SOCS3: variants seen among roughly 807,000 people sequenced by gnomAD.
The protein encoded by SOCS3 is suppressor of cytokine signaling 3, also known as STAT-induced STAT inhibitor 3.
Under a neutral mutation model 11.7 loss-of-function variants are expected in SOCS3, and 5 were observed. That is an observed-to-expected ratio of 0.43 (90% CI 0.22 to 0.90). The LOEUF is 0.90. Ranked by LOEUF, SOCS3 falls within the 40% of genes least tolerant of loss-of-function variation. SOCS3 has a pLI of 0.27. For missense variants in SOCS3, 203 were observed against 302.0 expected (o/e 0.67, Z 2.43); for synonymous variants, 143 against 136.3 (o/e 1.05, Z -0.34).
In SOCS3 at chr17:78,358,032, A is replaced by C. The variant is rs1296483613; in HGVS notation, c.*386T>G. ...AGCTCAGGTTTAAACCAAATCAAAG[A>C]GCAAACAAGTTCCGTTGGAAAGTTT... On this transcript the variant is annotated 3_prime_UTR_variant, in exon 2 of 2. Transcript: ENST00000330871. This position sits in a 1 kb window ranked among gnomAD's most constrained non-coding sequence, Gnocchi z 4.7. The C allele has an allele frequency of 4.6e-6, 1 of 215,556 alleles. No individual in the cohort carries two copies. Among genetic ancestry groups the C allele is most frequent in the Non-Finnish European group, 9.5e-6 (1 of 105,592 alleles). 13.4% of individuals were successfully genotyped at this position (215,556 alleles called of 1,614,324 possible). A position where few individuals can be genotyped will look rare whatever the true frequency, so the allele number is the denominator to read the frequency against.
chr17:78,358,301 T>C lies in SOCS3; in HGVS notation c.*117A>G. 1.0e-6 allele frequency: 1 copy of C among 966,682 alleles called. No individual in the cohort carries two copies. Among genetic ancestry groups the C allele is most frequent in the South Asian group, 1.4e-5 (1 of 70,682 alleles). The allele number at this position is 966,682 out of a possible 1,614,324, so 59.9% of individuals were successfully genotyped here. A position where few individuals can be genotyped will look rare whatever the true frequency, so the allele number is the denominator to read the frequency against. On this transcript the variant is annotated 3_prime_UTR_variant, in exon 2 of 2. Transcript: ENST00000330871. The surrounding 1 kb of genome is among the most constrained non-coding windows in gnomAD (Gnocchi z 4.7). ...GAGGGAGGGGCCTGTCCGCCCTCTTTCCCCCCAGAGCTACAGGACTCTCTC... is the reference window on the plus strand; with the variant it reads ...GAGGGAGGGGCCTGTCCGCCCTCTTCCCCCCCAGAGCTACAGGACTCTCTC...
upstream of SOCS3, chr17:78,360,609 G>A (rs891069539): frequency 2.0e-5 from 3 of 152,268 alleles, no homozygotes; most frequent in Non-Finnish European, 2.9e-5. This position sits in a 1 kb window ranked among gnomAD's most constrained non-coding sequence, Gnocchi z 5.6. Context: ...CCAGCCGAAA[G>A]GGAAGTGGGG....
chr17:78,358,322 C>G lies in SOCS3; in HGVS notation c.*96G>C. The G allele has an allele frequency of 1.7e-6, 2 of 1,196,068 alleles. No individual in the cohort carries two copies. The highest frequency in any genetic ancestry group is 2.5e-6 in the Non-Finnish European group (2 of 816,154). The allele number at this position is 1,196,068 out of a possible 1,614,324, so 74.1% of individuals were successfully genotyped here. A position where few individuals can be genotyped will look rare whatever the true frequency, so the allele number is the denominator to read the frequency against. On this transcript the variant is annotated 3_prime_UTR_variant, in exon 2 of 2. Transcript: ENST00000330871. The surrounding 1 kb of genome is among the most constrained non-coding windows in gnomAD (Gnocchi z 4.7). ...TCTTTCCCCCCAGAGCTACAGGACTCTCTCCTGGTTGGCTTCTTGTGCTTG... is the reference window on the plus strand; with the variant it reads ...TCTTTCCCCCCAGAGCTACAGGACTGTCTCCTGGTTGGCTTCTTGTGCTTG...
chr17:78,358,564 A>T lies in SOCS3; in HGVS notation c.532T>A (p.Leu178Met), dbSNP rs1258752596. The part of the protein sequence containing the change: ...YSGGEKIPLV[L>M]SRPLSSNVAT... ...ACGTTGGAGGAGAGGGGCCGGCTCAACACCAGGGGGATCTTCTCGCCCCCG... is the reference window on the plus strand; with the variant it reads ...ACGTTGGAGGAGAGGGGCCGGCTCATCACCAGGGGGATCTTCTCGCCCCCG... Residue 178 changes from leucine to methionine, a missense_variant, in exon 2 of 2, where the codon TTG becomes ATG. Physicochemically the swap from Leu to Met is conservative, Grantham distance 15. Around this residue, in one of 3 missense-constraint regions of SOCS3, gnomAD observed 141 missense variants for 200.5 expected, o/e 0.70. Transcript: ENST00000330871. This position sits in a 1 kb window ranked among gnomAD's most constrained non-coding sequence, Gnocchi z 4.7. 6.2e-7 allele frequency: 1 copy of T among 1,613,282 alleles called. No homozygotes were observed. Among genetic ancestry groups the T allele is most frequent in the Admixed American group, 1.7e-5 (1 of 59,998 alleles).
rs780810997 is a variant in SOCS3 at position 78,358,613 on chromosome 17, G to T, written c.483C>A (p.Pro161=). ...CGGAGTAGATGTAATAGGCTCTTCT[G>T]GGGGGACTCCCAGGGAGTGGCTGGG... ...PSAQPLPGSP[P]RRAYYIYSGG... is the part of the protein sequence containing the mutation. The change falls in exon 2 of 2, where the codon CCC becomes CCA. Residue 161 remains proline (P), a synonymous_variant. Transcript: ENST00000330871. The surrounding 1 kb of genome is among the most constrained non-coding windows in gnomAD (Gnocchi z 4.7). 1.2e-6 allele frequency: 2 copies of T among 1,610,956 alleles called. No individual in the cohort carries two copies. The highest frequency in any genetic ancestry group is 1.1e-5 in the South Asian group (1 of 90,962).
In SOCS3 at chr17:78,358,559, G is replaced by T. The variant is rs1179728586; in HGVS notation, c.537C>A (p.Ser179Arg). 6.2e-7 allele frequency: 1 copy of T among 1,613,386 alleles called. No homozygotes were observed. Among genetic ancestry groups the T allele is most frequent in the Admixed American group, 1.7e-5 (1 of 60,010 alleles). Residue 179 changes from serine (S) to arginine (R), a missense_variant, in exon 2 of 2, where the codon AGC (serine) becomes AGA (arginine). Coordinates refer to ENST00000330871, the MANE Select transcript of SOCS3 (RefSeq NM_003955.5). This position sits in a 1 kb window ranked among gnomAD's most constrained non-coding sequence, Gnocchi z 4.7. ...SGGEKIPLVL[S>R]RPLSSNVATL... is the part of the protein sequence containing the mutation. ...TGGCCACGTTGGAGGAGAGGGGCCGGCTCAACACCAGGGGGATCTTCTCGC... is the reference window on the plus strand; with the variant it reads ...TGGCCACGTTGGAGGAGAGGGGCCGTCTCAACACCAGGGGGATCTTCTCGC...
Position 78,358,643 on chromosome 17 carries a change from C to T in SOCS3, c.453G>A (p.Pro151=), listed in dbSNP as rs371734270. 31 of 1,605,434 alleles carry T rather than the reference C, an allele frequency of 1.9e-5. No homozygotes were observed. The African/African-American group carries it at 2.8e-4, about 15-fold the overall frequency. ...GACTCCCAGGGAGTGGCTGGGCAGA[C>T]GGCTGCTCGGGCACCTCGGAGGAGG... ...TEPSSEVPEQ[P]SAQPLPGSPP... Residue 151 remains proline (P), a synonymous_variant, in exon 2 of 2, where the codon CCG becomes CCA. Coordinates refer to ENST00000330871, the MANE Select transcript of SOCS3 (RefSeq NM_003955.5). The surrounding 1 kb of genome is among the most constrained non-coding windows in gnomAD (Gnocchi z 4.7).
chr17:78,359,054 G>T lies in SOCS3; in HGVS notation c.42C>A (p.Arg14=). 1.3e-6 allele frequency: 2 copies of T among 1,572,996 alleles called. No individual in the cohort carries two copies. Among genetic ancestry groups the T allele is most frequent in the South Asian group, 2.3e-5 (2 of 86,022 alleles). Residue 14 remains arginine, a synonymous_variant, in exon 2 of 2, where the codon CGC becomes CGA. Transcript: ENST00000330871. ...HSKFPAAGMS[R]PLDTSLRLKT... is the part of the protein sequence containing the mutation. Reference sequence around the variant, plus strand: ...TGAGGCGCAGGCTGGTGTCCAGGGGGCGGCTCATCCCGGCGGCGGGAAACT... The same window carrying T: ...TGAGGCGCAGGCTGGTGTCCAGGGGTCGGCTCATCCCGGCGGCGGGAAACT...
At chr17:78,359,297 C>T (rs1567911180) in intron 1 of SOCS3, 114 bp from the exon 2 acceptor site, 2 of 473,696 alleles carry the variant, frequency 4.2e-6, no homozygotes, top group Non-Finnish European at 7.1e-6. Flanking sequence ...CCCCGGGGGC[C>T]CTCTCCTGGG....
At chr17:78,360,293 A>AGAGGCGGCC (rs1231218352), upstream of SOCS3, among the ~76,000 whole-genome samples, 1 of 150,528 alleles carries the variant, frequency 6.6e-6, no homozygotes, top group Non-Finnish European at 1.5e-5. The surrounding 1 kb of genome is among the most constrained non-coding windows in gnomAD (Gnocchi z 5.6). Flanking sequence ...AAGCGCGACG[A>AGAGGCGGCC]GAGGCGGCCG....
rs1387855651 is a variant in SOCS3 at position 78,358,414 on chromosome 17, C to T, written c.*4G>A. The T allele has an allele frequency of 1.2e-6, 2 of 1,613,494 alleles. No individual in the cohort carries two copies. Among genetic ancestry groups the T allele is most frequent in the Non-Finnish European group, 8.5e-7 (1 of 1,179,966 alleles). On this transcript the variant is annotated 3_prime_UTR_variant, in exon 2 of 2. Transcript: ENST00000330871. The surrounding 1 kb of genome is among the most constrained non-coding windows in gnomAD (Gnocchi z 4.7). Reference sequence around the variant, plus strand: ...CGACCCATGCCCTTTGCGCCCTTTACCCCTTAAAGCGGGGCATCGTACTGG... The same window carrying T: ...CGACCCATGCCCTTTGCGCCCTTTATCCCTTAAAGCGGGGCATCGTACTGG...
rs2081591873 is a variant in SOCS3 at position 78,359,180 on chromosome 17, G to C, written c.-85C>G. ...CACAGCGGCCGCTACCGCATCCCGG[G>C]GGGCTGCGGAGAGGAAGGCGCGAGC... On this transcript the variant is annotated 5_prime_UTR_variant, in exon 2 of 2. Transcript: ENST00000330871. 1 of 1,394,526 alleles carries C rather than the reference G, an allele frequency of 7.2e-7. No individual in the cohort carries two copies. The highest frequency in any genetic ancestry group is 9.6e-7 in the Non-Finnish European group (1 of 1,045,380). The allele number at this position is 1,394,526 out of a possible 1,614,324, so 86.4% of individuals were successfully genotyped here. A position where few individuals can be genotyped will look rare whatever the true frequency, so the allele number is the denominator to read the frequency against.
upstream of SOCS3, chr17:78,360,909 C>G (rs1038051239): frequency 5.9e-5 from 9 of 152,648 alleles, no homozygotes; most frequent in South Asian, 2.1e-4. This position sits in a 1 kb window ranked among gnomAD's most constrained non-coding sequence, Gnocchi z 5.6. Context: ...CTGGAGAGCT[C>G]GAGGTGGAAC....
rs555084288 is a variant in SOCS3 at position 78,359,357 on chromosome 17, T to C, written c.-88-174A>G. Among the ~76,000 whole-genome samples the C allele has an allele frequency of 7.9e-5, 12 of 152,108 alleles. No homozygotes were observed. The East Asian group carries it at 2.3e-3, about 30-fold the overall frequency. The stretch of plus-strand genomic sequence containing the variant: ...ACGGAGCCCGCACGGCTCCCGCCCC[T>C]GCCGGCAGGGTGGCCCCGGGCAGCC... On this transcript the variant is annotated intron_variant, in intron 1 of 1. Transcript: ENST00000330871.
In SOCS3 at chr17:78,358,056, T is replaced by G; in HGVS notation, c.*362A>C. 1 of 243,336 alleles carries G rather than the reference T, an allele frequency of 4.1e-6. No individual in the cohort carries two copies. The allele number at this position is 243,336 out of a possible 1,614,324, so 15.1% of individuals were successfully genotyped here. A position where few individuals can be genotyped will look rare whatever the true frequency, so the allele number is the denominator to read the frequency against. On this transcript the variant is annotated 3_prime_UTR_variant, in exon 2 of 2. Transcript: ENST00000330871. This position sits in a 1 kb window ranked among gnomAD's most constrained non-coding sequence, Gnocchi z 4.7. Reference sequence around the variant, plus strand: ...GAGCAAACAAGTTCCGTTGGAAAGTTTGAAGATTCCCTGGCAGTTCTCATT... The same window carrying G: ...GAGCAAACAAGTTCCGTTGGAAAGTGTGAAGATTCCCTGGCAGTTCTCATT...
Position 78,359,179 on chromosome 17 carries a change from G to A in SOCS3, c.-84C>T, listed in dbSNP as rs1200704161. 9 of 1,392,870 alleles carry A rather than the reference G, an allele frequency of 6.5e-6. No homozygotes were observed. The highest frequency in any genetic ancestry group is 5.0e-5 in the Admixed American group (2 of 39,886). 86.3% of individuals were successfully genotyped at this position (1,392,870 alleles called of 1,614,324 possible). A position where few individuals can be genotyped will look rare whatever the true frequency, so the allele number is the denominator to read the frequency against. On this transcript the variant is annotated 5_prime_UTR_variant, in exon 2 of 2. Transcript: ENST00000330871. ...GCACAGCGGCCGCTACCGCATCCCG[G>A]GGGGCTGCGGAGAGGAAGGCGCGAG...
Position 78,358,307 on chromosome 17 carries a change from C to A in SOCS3, c.*111G>T. 3 of 1,025,164 alleles carry A rather than the reference C, an allele frequency of 2.9e-6. No homozygotes were observed. Among genetic ancestry groups the A allele is most frequent in the South Asian group, 1.4e-5 (1 of 73,058 alleles). The allele number at this position is 1,025,164 out of a possible 1,614,324, so 63.5% of individuals were successfully genotyped here. On this transcript the variant is annotated 3_prime_UTR_variant, in exon 2 of 2. Coordinates refer to ENST00000330871, the MANE Select transcript of SOCS3 (RefSeq NM_003955.5). This position sits in a 1 kb window ranked among gnomAD's most constrained non-coding sequence, Gnocchi z 4.7. ...GGGGCCTGTCCGCCCTCTTTCCCCCCAGAGCTACAGGACTCTCTCCTGGTT... is the reference window on the plus strand; with the variant it reads ...GGGGCCTGTCCGCCCTCTTTCCCCCAAGAGCTACAGGACTCTCTCCTGGTT...
Position 78,359,170 on chromosome 17 carries a change from C to T in SOCS3, c.-75G>A, listed in dbSNP as rs2081591715. ...GCGGCCTCCGCACAGCGGCCGCTAC[C>T]GCATCCCGGGGGGCTGCGGAGAGGA... is the stretch of plus-strand genomic sequence containing the variant. On this transcript the variant is annotated 5_prime_UTR_variant, in exon 2 of 2. Coordinates refer to ENST00000330871, the MANE Select transcript of SOCS3 (RefSeq NM_003955.5). 1.4e-6 allele frequency: 2 copies of T among 1,448,758 alleles called. No homozygotes were observed. Among genetic ancestry groups the T allele is most frequent in the East Asian group, 5.0e-5 (2 of 39,684 alleles). The allele number at this position is 1,448,758 out of a possible 1,614,324, so 89.7% of individuals were successfully genotyped here. A position where few individuals can be genotyped will look rare whatever the true frequency, so the allele number is the denominator to read the frequency against.
Position 78,358,378 on chromosome 17 carries a change from G to C in SOCS3, c.*40C>G, listed in dbSNP as rs201810044. On this transcript the variant is annotated 3_prime_UTR_variant, in exon 2 of 2. Transcript: ENST00000330871. This position sits in a 1 kb window ranked among gnomAD's most constrained non-coding sequence, Gnocchi z 4.7. ...TGTGCCACGGAGGAGAGGGGCCTGCGTCCCCTCTCCCGACCCATGCCCTTT... is the reference window on the plus strand; with the variant it reads ...TGTGCCACGGAGGAGAGGGGCCTGCCTCCCCTCTCCCGACCCATGCCCTTT... The C allele has an allele frequency of 3.1e-6, 5 of 1,595,600 alleles. No individual in the cohort carries two copies. The highest frequency in any genetic ancestry group is 4.3e-6 in the Non-Finnish European group (5 of 1,164,564).
Sources: gnomAD v4.1 joint callset for allele counts (sites outside exome capture counted in the v4.1 genomes callset) on GRCh38, gnomAD v4.1.1 for gene constraint, gnomAD v4.1.1 regional missense constraint, Gnocchi (gnomAD v3.1) non-coding constraint, MANE v1.5 for transcripts, NCBI Gene and HGNC (gene_info 2026-07-23, HGNC 2026-07-21) for gene names.